Variants in NFKB1 observed in about 807,000 individuals in gnomAD.
NFKB1 encodes nuclear factor NF-kappa-B p105 subunit.
NFKB1 carries 9 observed loss-of-function variants against 105.1 expected under a neutral mutation model. The ratio of observed to expected loss-of-function variants is 0.09; its 90% confidence interval spans 0.05 to 0.15. The LOEUF is 0.15. Ranked by LOEUF, NFKB1 falls within the 10% of genes least tolerant of loss-of-function variation. NFKB1 has a pLI of 1.00. For synonymous variants in NFKB1, 440 were observed against 442.2 expected (o/e 1.00, Z 0.06); for missense variants, 830 against 1,203.7 (o/e 0.69, Z 4.59).
Position 102,600,957 on chromosome 4 carries a change from C to T in NFKB1, c.1700C>T (p.Thr567Ile), listed in dbSNP as rs4648085. Reference protein sequence around the residue: ...SQLVRDLLEVTSGLISDDIIN... With the variant: ...SQLVRDLLEVISGLISDDIIN... ...CTTGTGAGGGATCTACTAGAAGTCA[C>T]ATCTGGTTTGATTTCTGATGACATT... Residue 567 changes from threonine to isoleucine, a missense_variant, in exon 16 of 24, where the codon ACA becomes ATA. Thr to Ile is a moderately conservative substitution (Grantham distance 89). This residue lies in a region of NFKB1 where 418 missense variants were observed against 575.3 expected (regional missense o/e 0.73). Transcript: ENST00000226574. 676 of 1,612,954 alleles carry T rather than the reference C, an allele frequency of 4.2e-4. 2 individuals are homozygous for T. The African/African-American group carries it at 8.5e-3, about 20-fold the overall frequency.
At chr4:102,610,783 C>A in intron 20 of NFKB1, 84 bp downstream of exon 20, 1 of 1,486,612 alleles carries the variant, frequency 6.7e-7, no homozygotes. Context: ...CTTCCTGGTG[C>A]TTTATTCCCC....
At chr4:102,604,460 C>T (rs781201462) in intron 16 of NFKB1, among the ~76,000 whole-genome samples, 3 of 152,082 alleles carry the variant, frequency 2.0e-5, no homozygotes, top group African/African-American at 4.8e-5. Context: ...TTGATACAAT[C>T]CACAGATCTT....
At chr4:102,573,017 T>C (rs1037183062) in intron 6 of NFKB1, among the ~76,000 whole-genome samples, 1 of 152,212 alleles carries the variant, frequency 6.6e-6, no homozygotes, top group Non-Finnish European at 1.5e-5. Flanking sequence ...TATAGAATTT[T>C]AGGTAGACAG....
chr4:102,541,486 T>G (rs1171105159), intron 5 of NFKB1, among the ~76,000 whole-genome samples: 2 of 152,190 alleles, frequency 1.3e-5, no homozygotes, highest in Non-Finnish European at 2.9e-5. Flanking sequence ...ATAAAATATG[T>G]ATCTTCAACA....
chr4:102,583,942 GT>G (rs1485886497), intron 10 of NFKB1, among the ~76,000 whole-genome samples: 1 of 152,130 alleles, frequency 6.6e-6, no homozygotes, highest in Admixed American at 6.5e-5. Context: ...GTTATACAGT[GT>G]TAAAATATTT....
At chr4:102,609,611 CA>C (rs34646774) in intron 19 of NFKB1, among the ~76,000 whole-genome samples, 15,501 of 63,724 alleles carry the variant, frequency 0.24, 573 homozygotes, top group East Asian at 0.38. Context: ...GACTCCATCT[CA>C]AAAAAAAAAA....
intron 14 of NFKB1, 118 bp downstream of exon 14, chr4:102,596,450 C>T: frequency 1.3e-6 from 1 of 770,338 alleles, no homozygotes. Context: ...GTGTACTCTT[C>T]AAAGTTCTGT....
intron 23 of NFKB1, among the ~76,000 whole-genome samples, chr4:102,615,100 C>T (rs1728821277): frequency 6.6e-6 from 1 of 152,142 alleles, no homozygotes; most frequent in African/African-American, 2.4e-5. Context: ...CTCTGCCCAA[C>T]AGACGGTATG....
At chr4:102,612,208 T>G in intron 21 of NFKB1, 98 bp downstream of exon 21, 1 of 1,213,940 alleles carries the variant, frequency 8.2e-7, no homozygotes, top group Non-Finnish European at 1.2e-6. Flanking sequence ...CTGTTAAAAG[T>G]TCTTATTTCA....
chr4:102,572,488 A>T (rs561572233), intron 6 of NFKB1, among the ~76,000 whole-genome samples: 1 of 152,286 alleles, frequency 6.6e-6, no homozygotes, highest in East Asian at 1.9e-4. Flanking sequence ...AAAAATAAGC[A>T]AGTTTACAAG....
At chr4:102,531,254 C>T (rs1405585509) in intron 3 of NFKB1, among the ~76,000 whole-genome samples, 1 of 152,040 alleles carries the variant, frequency 6.6e-6, no homozygotes, top group Non-Finnish European at 1.5e-5. Flanking sequence ...ATTCTGTGGT[C>T]ACAGCTTTAT....
chr4:102,595,817 T>C (rs1726563724), intron 13 of NFKB1, among the ~76,000 whole-genome samples: 1 of 152,232 alleles, frequency 6.6e-6, no homozygotes, highest in South Asian at 2.1e-4. Context: ...AAAAAACTGC[T>C]CTGTTTTCAA....
chr4:102,617,128 A>C lies in NFKB1; in HGVS notation c.*534A>C, dbSNP rs565360445. The C allele has an allele frequency of 6.8e-6, 1 of 147,438 alleles. No individual in the cohort carries two copies. The highest frequency in any genetic ancestry group is 2.1e-4 in the South Asian group (1 of 4,660). The allele number at this position is 147,438 out of a possible 1,614,324, so 9.1% of individuals were successfully genotyped here. A position where few individuals can be genotyped will look rare whatever the true frequency, so the allele number is the denominator to read the frequency against. Reference sequence around the variant, plus strand: ...AAAAAAAAAAAAAAAATACTTGTCAATATTTAAACATGGTTACAATCATTG... The same window carrying C: ...AAAAAAAAAAAAAAAATACTTGTCACTATTTAAACATGGTTACAATCATTG... On this transcript the variant is annotated 3_prime_UTR_variant, in exon 24 of 24. Coordinates refer to ENST00000226574, the MANE Select transcript of NFKB1 (RefSeq NM_003998.4).
intron 16 of NFKB1, among the ~76,000 whole-genome samples, chr4:102,605,957 C>T (rs1230784475): frequency 6.6e-6 from 1 of 152,098 alleles, no homozygotes; most frequent in Non-Finnish European, 1.5e-5. Flanking sequence ...AAAACATAGC[C>T]TTAATTTGAT....
Position 102,616,708 on chromosome 4 carries a change from A to G in NFKB1, c.*114A>G, listed in dbSNP as rs765303737. 9 of 1,057,628 alleles carry G rather than the reference A, an allele frequency of 8.5e-6. No homozygotes were observed. Among genetic ancestry groups the G allele is most frequent in the Non-Finnish European group, 9.4e-6 (7 of 745,860 alleles). 65.5% of individuals were successfully genotyped at this position (1,057,628 alleles called of 1,614,324 possible). ...GTGCTCAGAGAGCCGGCCCGCCTGA[A>G]TCATTCTCGATTTAACTCGAGACCT... On this transcript the variant is annotated 3_prime_UTR_variant, in exon 24 of 24. Transcript: ENST00000226574.
At chr4:102,557,298 A>C (rs1430282039) in intron 5 of NFKB1, 1 of 152,238 alleles carries the variant, frequency 6.6e-6, no homozygotes, top group African/African-American at 2.4e-5. Context: ...TTTAATCCTC[A>C]GAAAACTTAG....
At chr4:102,558,706 A>C (rs1461961607) in intron 5 of NFKB1, among the ~76,000 whole-genome samples, 2 of 152,086 alleles carry the variant, frequency 1.3e-5, no homozygotes, top group African/African-American at 4.8e-5. Context: ...GCTGGAGTGC[A>C]GTGGTGCGAT....
At chr4:102,574,756 T>G (rs924180515) in intron 6 of NFKB1, among the ~76,000 whole-genome samples, 6 of 152,216 alleles carry the variant, frequency 3.9e-5, no homozygotes, top group African/African-American at 1.4e-4. Flanking sequence ...TATTTAAGGT[T>G]CAAACCAGTC....
intron 4 of NFKB1, among the ~76,000 whole-genome samples, chr4:102,534,165 A>G (rs934569726): frequency 1.3e-5 from 2 of 152,168 alleles, no homozygotes; most frequent in Non-Finnish European, 2.9e-5. Flanking sequence ...TACCAGCTTA[A>G]CTTACCAGCC....
Sources: allele counts gnomAD v4.1 joint callset (sites outside exome capture counted in the v4.1 genomes callset), GRCh38; gene constraint gnomAD v4.1.1; regional missense constraint gnomAD v4.1.1; transcripts MANE v1.5; gene names NCBI Gene and HGNC (gene_info 2026-07-23, HGNC 2026-07-21).